The following THEMIS variants were observed in gnomAD, a reference collection of about 807,000 sequenced individuals.
THEMIS encodes protein THEMIS.
A neutral mutation model predicts 52.6 loss-of-function variants in THEMIS; 37 were observed. The observed-to-expected ratio is 0.70, with a 90% CI of 0.54 to 0.93. The LOEUF (loss-of-function observed/expected upper bound fraction) is 0.93, where lower values mean the gene tolerates loss of function less well. Ranked by LOEUF, THEMIS falls within the 40% of genes least tolerant of loss-of-function variation. The pLI is 0.00. For missense variants in THEMIS, 808 were observed against 763.1 expected (o/e 1.06, Z -0.69); for synonymous variants, 292 against 272.7 (o/e 1.07, Z -0.70).
chr6:127,879,233 G>C (rs1780404348), intron 1 of THEMIS, among the ~76,000 whole-genome samples: 1 of 152,104 alleles, frequency 6.6e-6, no homozygotes, highest in Admixed American at 6.5e-5. Flanking sequence ...CTAACCTGTT[G>C]AGCATATGTT....
intron 4 of THEMIS, among the ~76,000 whole-genome samples, chr6:127,745,944 C>T (rs1227188573): frequency 6.6e-6 from 1 of 151,778 alleles, no homozygotes; most frequent in Non-Finnish European, 1.5e-5. Context: ...ATTGTTTAAA[C>T]CTATTCTCCT....
At chr6:127,839,079 TGA>T (rs1403810276) in intron 2 of THEMIS, among the ~76,000 whole-genome samples, 1 of 152,116 alleles carries the variant, frequency 6.6e-6, no homozygotes, top group Non-Finnish European at 1.5e-5. Context: ...TTCTCCCAAG[TGA>T]TTTTTACAAT....
intron 4 of THEMIS, among the ~76,000 whole-genome samples, chr6:127,796,884 C>T (rs921583600): frequency 6.6e-6 from 1 of 152,226 alleles, no homozygotes; most frequent in African/African-American, 2.4e-5. Flanking sequence ...CTTCAAATCT[C>T]TGTGAACTAG....
At position 127,781,011 on chromosome 6, in the gene THEMIS, C is replaced by T. The variant is rs150472845; in HGVS notation, c.1758+31872G>A. On this transcript the variant is annotated intron_variant, in intron 4 of 5. Transcript: ENST00000368248. ...TTTTCCAACTTGGTTCCATTCTTTCCGTCACTTTCAGGTACACCAATCAAA... is the reference window on the plus strand; with the variant it reads ...TTTTCCAACTTGGTTCCATTCTTTCTGTCACTTTCAGGTACACCAATCAAA... Among the ~76,000 whole-genome samples the T allele has an allele frequency of 4.5e-3, 684 of 152,116 alleles. 6 individuals carry two copies. Among genetic ancestry groups the T allele is most frequent in the East Asian group, 0.022 (115 of 5,138 alleles).
intron 3 of THEMIS, among the ~76,000 whole-genome samples, chr6:127,820,958 A>G (rs1778318610): frequency 6.6e-6 from 1 of 152,058 alleles, no homozygotes; most frequent in South Asian, 2.1e-4. Context: ...CAAATATTAT[A>G]TCTAAGAATC....
At chr6:127,802,901 A>G (rs1373648527) in intron 4 of THEMIS, among the ~76,000 whole-genome samples, 1 of 152,138 alleles carries the variant, frequency 6.6e-6, no homozygotes, top group African/African-American at 2.4e-5. Flanking sequence ...CTATTCTTCT[A>G]CCTATGTTCT....
At chr6:127,806,799 C>T (rs938689585) in intron 4 of THEMIS, among the ~76,000 whole-genome samples, 6 of 152,174 alleles carry the variant, frequency 3.9e-5, no homozygotes, top group African/African-American at 1.2e-4. Context: ...ATTCCAGAAG[C>T]ACAAAAAGAG....
At chr6:127,866,111 T>G (rs1294085823) in intron 1 of THEMIS, among the ~76,000 whole-genome samples, 1 of 152,122 alleles carries the variant, frequency 6.6e-6, no homozygotes, top group African/African-American at 2.4e-5. Flanking sequence ...TTGTAAAATA[T>G]TGTACTTGAT....
At chr6:127,723,312 C>A (rs12203727) in intron 4 of THEMIS, among the ~76,000 whole-genome samples, 1,989 of 152,136 alleles carry the variant, frequency 0.013, 24 homozygotes, top group South Asian at 0.025. Flanking sequence ...TACCTCTCAG[C>A]AGCATCTGAC....
At chr6:127,764,772 C>G (rs1046067397) in intron 4 of THEMIS, among the ~76,000 whole-genome samples, 1 of 151,932 alleles carries the variant, frequency 6.6e-6, no homozygotes, top group Admixed American at 6.6e-5. Flanking sequence ...CTTAAAATAT[C>G]TAGAAGTTAT....
intron 4 of THEMIS, among the ~76,000 whole-genome samples, chr6:127,808,682 A>G (rs539022804): frequency 1.3e-5 from 2 of 152,316 alleles, no homozygotes; most frequent in South Asian, 4.1e-4. Context: ...GAAGTAGGCT[A>G]TAATCCTGTT....
intron 1 of THEMIS, among the ~76,000 whole-genome samples, chr6:127,913,760 A>G (rs946071630): frequency 6.6e-6 from 1 of 152,230 alleles, no homozygotes; most frequent in Non-Finnish European, 1.5e-5. Context: ...TTTCTCTTGT[A>G]TAACATTTTA....
At chr6:127,784,834 T>C (rs1776868799) in intron 4 of THEMIS, among the ~76,000 whole-genome samples, 1 of 152,062 alleles carries the variant, frequency 6.6e-6, no homozygotes, top group African/African-American at 2.4e-5. Context: ...TTAAAAAAAC[T>C]TAGGCCTGTT....
intron 1 of THEMIS, among the ~76,000 whole-genome samples, chr6:127,886,694 A>C (rs1201077497): frequency 6.6e-6 from 1 of 152,066 alleles, no homozygotes; most frequent in Non-Finnish European, 1.5e-5. Flanking sequence ...CTCTGGTTGA[A>C]ACTACTTTGT....
chr6:127,713,215 GAACA>G (rs1222305749), intron 5 of THEMIS, among the ~76,000 whole-genome samples: 1 of 151,850 alleles, frequency 6.6e-6, no homozygotes, highest in African/African-American at 2.4e-5. Flanking sequence ...GGCTGAGACT[GAACA>G]AACAAATAAT....
Position 127,829,676 on chromosome 6 carries a change from T to A in THEMIS, c.509A>T (p.Glu170Val), listed in dbSNP as rs141326956. The A allele has an allele frequency of 1.9e-6, 3 of 1,614,060 alleles. No individual in the cohort carries two copies. The South Asian group carries it at 3.3e-5, about 18-fold the overall frequency. The change falls in exon 3 of 6, where the codon GAA becomes GTA. Residue 170 changes from glutamate to valine, a missense_variant. Transcript: ENST00000368248. ...THSFNLPLSQ[E>V]GEFYECEDER... ...ATCTTCACACTCGTAGAATTCTCCT[T>A]CTTGTGACAAAGGCAAATTAAATGA...
chr6:127,751,451 T>G (rs1279423618), intron 4 of THEMIS, among the ~76,000 whole-genome samples: 3 of 151,848 alleles, frequency 2.0e-5, no homozygotes, highest in African/African-American at 7.2e-5. Flanking sequence ...AGAACTCACT[T>G]CAGCTTTAAG....
chr6:127,887,548 A>G (rs894116557), intron 1 of THEMIS, among the ~76,000 whole-genome samples: 6 of 152,176 alleles, frequency 3.9e-5, no homozygotes, highest in African/African-American at 7.2e-5. Flanking sequence ...ATACTGATGT[A>G]TGCTACAATA....
chr6:127,868,462 A>G lies in THEMIS; in HGVS notation c.92-13274T>C, dbSNP rs959356548. On this transcript the variant is annotated intron_variant, in intron 1 of 5. Transcript: ENST00000368248. ...GATTGGGGATAAAGACACCTTCAAG[A>G]TCAGCATTTCCCAACCTTCCACAAA... 15 of 985,306 alleles carry G rather than the reference A, an allele frequency of 1.5e-5. No homozygotes were observed. The African/African-American group carries it at 2.3e-4, about 15-fold the overall frequency. The allele number at this position is 985,306 out of a possible 1,614,324, so 61.0% of individuals were successfully genotyped here. A position where few individuals can be genotyped will look rare whatever the true frequency, so the allele number is the denominator to read the frequency against.
Sources: gnomAD v4.1 joint callset for allele counts (sites outside exome capture counted in the v4.1 genomes callset) on GRCh38, gnomAD v4.1.1 for gene constraint, MANE v1.5 for transcripts, NCBI Gene and HGNC (gene_info 2026-07-23, HGNC 2026-07-21) for gene names.